Variants in AUNIP observed in about 807,000 individuals in gnomAD.
The protein encoded by AUNIP is aurora kinase A- and ninein-interacting protein.
A neutral mutation model predicts 12.2 loss-of-function variants in AUNIP; 16 were observed. The ratio of observed to expected loss-of-function variants is 1.31; its 90% CI spans 0.88 to 1.99. The LOEUF (loss-of-function observed/expected upper bound fraction) is 1.99. Among genes scored for constraint, AUNIP ranks in the 30% most tolerant of loss-of-function variants. AUNIP has a pLI of 0.00. For synonymous variants in AUNIP, 142 were observed against 154.8 expected (o/e 0.92, Z 0.61); for missense variants, 411 against 419.1 (o/e 0.98, Z 0.17).
downstream of AUNIP, among the ~76,000 whole-genome samples, chr1:25,833,170 T>C (rs144181143): frequency 0.014 from 2,199 of 152,154 alleles, 46 homozygotes; most frequent in African/African-American, 0.049. Flanking sequence ...CGGAGTGCAG[T>C]GGTGGGATCA....
At chr1:25,837,124 C>G (rs1052463121) in intron 2 of AUNIP, among the ~76,000 whole-genome samples, 2 of 152,222 alleles carry the variant, frequency 1.3e-5, no homozygotes, top group African/African-American at 4.8e-5. Context: ...CAGGGCAACT[C>G]CCCAGTGCAC....
chr1:25,858,888 T>C (rs1557458496), intron 1 of AUNIP, among the ~76,000 whole-genome samples: 1 of 152,126 alleles, frequency 6.6e-6, no homozygotes, highest in African/African-American at 2.4e-5. Context: ...TTTCCCCAAT[T>C]TGCATTCGCA....
Position 25,859,392 on chromosome 1 carries a change from C to A in AUNIP, c.-35G>T, listed in dbSNP as rs1378841341. On this transcript the variant is annotated 5_prime_UTR_variant, in exon 1 of 3. Transcript: ENST00000374298. The stretch of plus-strand genomic sequence containing the variant: ...GGAGACGAAGCCGGCAGGACGCCGG[C>A]GCAGGCTCCCGGCGCCTCAGGGAAC... 8.8e-6 allele frequency: 13 copies of A among 1,477,766 alleles called. No homozygotes were observed. The highest frequency in any genetic ancestry group is 1.2e-5 in the Non-Finnish European group (13 of 1,123,446). The allele number at this position is 1,477,766 out of a possible 1,614,324, so 91.5% of individuals were successfully genotyped here. A position where few individuals can be genotyped will look rare whatever the true frequency, so the allele number is the denominator to read the frequency against.
At chr1:25,853,992 C>A (rs192950495) in intron 1 of AUNIP, among the ~76,000 whole-genome samples, 1 of 152,198 alleles carries the variant, frequency 6.6e-6, no homozygotes, top group East Asian at 1.9e-4. Context: ...AGGTAGATCA[C>A]CTGAGGTCAG....
At chr1:25,835,942 A>G in intron 2 of AUNIP, 96 bp from the exon 3 acceptor site, 1 of 1,513,574 alleles carries the variant, frequency 6.6e-7, no homozygotes, top group Non-Finnish European at 8.9e-7. Context: ...AGCTACTATT[A>G]CTACCTAGTG....
intron 1 of AUNIP, among the ~76,000 whole-genome samples, chr1:25,851,577 A>G (rs1225815612): frequency 6.6e-6 from 1 of 152,226 alleles, no homozygotes; most frequent in Non-Finnish European, 1.5e-5. Flanking sequence ...AATTGAACTG[A>G]AAGTCCAGAA....
downstream of AUNIP, chr1:25,832,407 T>TCG (rs2048257548): frequency 4.6e-6 from 2 of 437,362 alleles, no homozygotes; most frequent in Admixed American, 9.7e-5. Flanking sequence ...CAGCTGTCAC[T>TCG]CACTCAGCAG....
At chr1:25,838,932 A>C (rs1444970427) in intron 1 of AUNIP, among the ~76,000 whole-genome samples, 4 of 152,222 alleles carry the variant, frequency 2.6e-5, no homozygotes, top group Non-Finnish European at 5.9e-5. Flanking sequence ...ATTCTAACTC[A>C]AAGTTGACTT....
chr1:25,839,219 A>G (rs1426340835), intron 1 of AUNIP, among the ~76,000 whole-genome samples: 1 of 152,210 alleles, frequency 6.6e-6, no homozygotes, highest in East Asian at 1.9e-4. Flanking sequence ...GCAGACCACA[A>G]TGTATCTTTC....
intron 1 of AUNIP, among the ~76,000 whole-genome samples, chr1:25,841,275 C>A (rs2048345695): frequency 6.6e-6 from 1 of 152,192 alleles, no homozygotes; most frequent in African/African-American, 2.4e-5. Context: ...AGCTGATTAT[C>A]CCTACCTCAA....
At chr1:25,846,650 G>C (rs2124506908) in intron 1 of AUNIP, among the ~76,000 whole-genome samples, 1 of 152,290 alleles carries the variant, frequency 6.6e-6, no homozygotes, top group South Asian at 2.1e-4. Flanking sequence ...TTGAACCTGG[G>C]AGACAGTGGT....
At chr1:25,832,954 C>G (rs188237490), downstream of AUNIP, 1 of 152,128 alleles carries the variant, frequency 6.6e-6, no homozygotes, top group Non-Finnish European at 1.5e-5. Flanking sequence ...TTGCTGTGTC[C>G]ATCTCTTGAG....
chr1:25,843,185 A>AATATATATATATATATATAT (rs1342427424), intron 1 of AUNIP, among the ~76,000 whole-genome samples: 1 of 124,956 alleles, frequency 8.0e-6, no homozygotes, highest in Non-Finnish European at 1.7e-5. Flanking sequence ...AAAAAAAAAA[A>AATATATATATATATATATAT]ATATATATAT....
At chr1:25,857,080 C>T (rs992353061) in intron 1 of AUNIP, among the ~76,000 whole-genome samples, 5 of 152,022 alleles carry the variant, frequency 3.3e-5, no homozygotes, top group African/African-American at 4.8e-5. Context: ...ATTACGCCAC[C>T]GCACTCTAGC....
rs1406040872 is a variant in AUNIP at position 25,835,403 on chromosome 1, A to G, written c.664T>C (p.Cys222Arg). The change falls in exon 3 of 3, where the codon TGC becomes CGC. Residue 222 changes from cysteine to arginine, a missense_variant. Cys to Arg is a radical substitution (Grantham distance 180). Transcript: ENST00000374298. The part of the protein sequence containing the change: ...EKHTKLPGDK[C>R]CQPLGKTKLE... ...TTAGTCTTGCCTAAGGGCTGACAGCATTTGTCCCCAGGTAGTTTGGTGTGT... is the reference window on the plus strand; with the variant it reads ...TTAGTCTTGCCTAAGGGCTGACAGCGTTTGTCCCCAGGTAGTTTGGTGTGT... 6.2e-7 allele frequency: 1 copy of G among 1,614,220 alleles called. No individual in the cohort carries two copies. Among genetic ancestry groups the G allele is most frequent in the South Asian group, 1.1e-5 (1 of 91,086 alleles).
chr1:25,852,984 A>G (rs1353052710), intron 1 of AUNIP, among the ~76,000 whole-genome samples: 2 of 152,060 alleles, frequency 1.3e-5, no homozygotes, highest in East Asian at 3.9e-4. Flanking sequence ...TCATTCCATT[A>G]TGGAGAATAT....
intron 1 of AUNIP, among the ~76,000 whole-genome samples, chr1:25,856,541 G>A (rs1005679432): frequency 2.0e-5 from 3 of 152,046 alleles, no homozygotes; most frequent in South Asian, 4.1e-4. Flanking sequence ...TGGGCAAGGT[G>A]GTGCATGCCT....
chr1:25,843,596 A>G (rs1424223314), intron 1 of AUNIP, among the ~76,000 whole-genome samples: 1 of 112,646 alleles, frequency 8.9e-6, no homozygotes, highest in African/African-American at 8.0e-5. Flanking sequence ...GTCTGTTTGA[A>G]AAAAAAAAAA....
rs763344300 is a variant in AUNIP, at chr1:25,857,486, T to C, written c.78+1794A>G. Among the ~76,000 whole-genome samples the C allele has an allele frequency of 5.5e-4, 82 of 148,588 alleles. 1 individual carries two copies. Among genetic ancestry groups the C allele is most frequent in the Non-Finnish European group, 9.7e-4 (65 of 66,968 alleles). The stretch of plus-strand genomic sequence containing the variant: ...CCGGTCTCGAACTCCTGACCTCAGG[T>C]GATCCGCCCGCCTCGGCCTCCCAAA... On this transcript the variant is annotated intron_variant, in intron 1 of 2. Transcript: ENST00000374298.
Sources: gnomAD v4.1 joint callset for allele counts (sites outside exome capture counted in the v4.1 genomes callset) on GRCh38, gnomAD v4.1.1 for gene constraint, MANE v1.5 for transcripts, NCBI Gene and HGNC (gene_info 2026-07-23, HGNC 2026-07-21) for gene names.